Variants in CKAP5 observed in about 807,000 individuals in gnomAD.
CKAP5 encodes cytoskeleton-associated protein 5.
CKAP5 carries 27 observed loss-of-function variants against 232.8 expected under a neutral mutation model. That is an observed-to-expected ratio of 0.12 (90% CI 0.09 to 0.16). CKAP5 has a LOEUF of 0.16. Ranked by LOEUF, CKAP5 falls within the 10% of genes least tolerant of loss-of-function variation. CKAP5 has a pLI of 1.00. For missense variants in CKAP5, 1,838 were observed against 2,424.7 expected (o/e 0.76, Z 5.08); for synonymous variants, 785 against 841.1 (o/e 0.93, Z 1.16).
At position 46,767,671 on chromosome 11, in the gene CKAP5, GA is replaced by G. The variant is rs761525556; in HGVS notation, c.3323-9del. ...TACAATCTTCAGCAGGTGCTTTGAG[GA>G]AAAAAATATATATATACTATAAACT... On this transcript the variant is annotated splice_polypyrimidine_tract_variant and intron_variant, in intron 26 of 43. Transcript: ENST00000529230. 2.2e-5 allele frequency: 35 copies of G among 1,573,390 alleles called. No homozygotes were observed. Among genetic ancestry groups the G allele is most frequent in the African/African-American group, 5.4e-5 (4 of 73,494 alleles).
chr11:46,821,581 C>T (rs1024682046), intron 1 of CKAP5, among the ~76,000 whole-genome samples: 1 of 152,068 alleles, frequency 6.6e-6, no homozygotes, highest in Admixed American at 6.5e-5. Context: ...CCCGCCACCA[C>T]GCCCGGCTAA....
rs373679270 is a variant in CKAP5 at position 46,765,092 on chromosome 11, C to A, written c.3537+39G>T. 4.4e-6 allele frequency: 7 copies of A among 1,584,468 alleles called. No individual in the cohort carries two copies. The African/African-American group carries it at 8.1e-5, about 18-fold the overall frequency. On this transcript the variant is annotated intron_variant, in intron 28 of 43. Coordinates refer to ENST00000529230, the MANE Select transcript of CKAP5 (RefSeq NM_001008938.4). ...GCAAAACTATTCTTGAATAACAATA[C>A]AAGCAAAAATCTCCTGACGATTCTT... is the stretch of plus-strand genomic sequence containing the variant.
intron 1 of CKAP5, among the ~76,000 whole-genome samples, chr11:46,827,058 C>T (rs1939675950): frequency 6.6e-6 from 1 of 152,162 alleles, no homozygotes; most frequent in Admixed American, 6.5e-5. Context: ...AATGATGGAC[C>T]AACTAGGAAG....
chr11:46,843,138 C>T (rs1464124754), intron 1 of CKAP5, among the ~76,000 whole-genome samples: 2 of 151,398 alleles, frequency 1.3e-5, no homozygotes, highest in Non-Finnish European at 2.9e-5. Flanking sequence ...TTAAGGGGTT[C>T]CAAACAAGTT....
intron 8 of CKAP5, among the ~76,000 whole-genome samples, chr11:46,802,563 C>CACACAT (rs1565743469): frequency 4.0e-5 from 6 of 148,928 alleles, no homozygotes; most frequent in Middle Eastern, 3.4e-3. Context: ...GACAGACACA[C>CACACAT]ACACACACAC....
chr11:46,784,184 C>T (rs1377733601), intron 17 of CKAP5, among the ~76,000 whole-genome samples: 1 of 151,808 alleles, frequency 6.6e-6, no homozygotes. Context: ...GCCTGGCCAA[C>T]GTGGCGAAAT....
rs185160005 is a variant in CKAP5 at position 46,785,206 on chromosome 11, G to A, written c.1969-533C>T. Among the ~76,000 whole-genome samples the A allele has an allele frequency of 2.8e-3, 421 of 152,258 alleles. 2 individuals are homozygous for A. The highest frequency in any genetic ancestry group is 9.6e-3 in the African/African-American group (399 of 41,542). On this transcript the variant is annotated intron_variant, in intron 16 of 43. Coordinates refer to ENST00000529230, the MANE Select transcript of CKAP5 (RefSeq NM_001008938.4). ...GATATTATTGTGATGGCAGACCTAT[G>A]GGATTAAGGACCCCTTTGCTCATAA...
chr11:46,797,889 A>G lies in CKAP5; in HGVS notation c.1254T>C (p.Leu418=). ...AGTGGCGGAAACTTCTTGCAATAAA[A>G]AGAGATGTCTGCTGCTTGATGGTTG... ...KNPTIKQQTS[L]FIARSFRHCT... Residue 418 remains leucine (L), a synonymous_variant, in exon 11 of 44, where the codon CTT becomes CTC. Transcript: ENST00000529230. The G allele has an allele frequency of 6.2e-7, 1 of 1,614,132 alleles. No individual in the cohort carries two copies.
At position 46,780,275 on chromosome 11, in the gene CKAP5, C is replaced by T. The variant is rs1413929986; in HGVS notation, c.2352G>A (p.Leu784=). 1 of 1,614,084 alleles carries T rather than the reference C, an allele frequency of 6.2e-7. No homozygotes were observed. Among genetic ancestry groups the T allele is most frequent in the Non-Finnish European group, 8.5e-7 (1 of 1,179,954 alleles). ...ACATTCGCAAAGAGGGACCAACATA[C>T]AGATACATCACGCCAAGCAGGGTTA... ...AAITLLGVMY[L]YVGPSLRMFF... The change falls in exon 20 of 44, where the codon CTG becomes CTA. Residue 784 remains leucine (L), a synonymous_variant. Transcript: ENST00000529230.
At chr11:46,795,281 T>C (rs574770378) in intron 13 of CKAP5, among the ~76,000 whole-genome samples, 3 of 151,838 alleles carry the variant, frequency 2.0e-5, no homozygotes, top group Admixed American at 6.6e-5. Context: ...TGAGCCAAGA[T>C]TGCATCACTG....
chr11:46,758,173 T>G (rs2065125189), intron 35 of CKAP5, among the ~76,000 whole-genome samples: 2 of 152,184 alleles, frequency 1.3e-5, no homozygotes, highest in South Asian at 4.1e-4. Flanking sequence ...CTCTCAAATC[T>G]CATTCTGTAT....
chr11:46,748,556 C>T (rs749423821), intron 42 of CKAP5, among the ~76,000 whole-genome samples: 2 of 151,972 alleles, frequency 1.3e-5, no homozygotes, highest in Non-Finnish European at 2.9e-5. Context: ...GGGCGGATCA[C>T]GAGGTCAGGA....
intron 26 of CKAP5, among the ~76,000 whole-genome samples, chr11:46,769,288 T>C (rs1393579506): frequency 1.3e-5 from 2 of 152,192 alleles, no homozygotes; most frequent in Non-Finnish European, 2.9e-5. Flanking sequence ...ATAAAGTGGA[T>C]TAAGCTAGAT....
rs2065007637 is a variant in CKAP5 at position 46,744,419 on chromosome 11, G to A, written c.5856+7C>T. On this transcript the variant is annotated splice_region_variant and intron_variant, in intron 43 of 43. Transcript: ENST00000529230. The stretch of plus-strand genomic sequence containing the variant: ...CCCTGAACTGCACAGAAGAAAAGGA[G>A]CAGTACCTTTGTGTTGTCCAGACCA... 6.2e-7 allele frequency: 1 copy of A among 1,614,132 alleles called. No homozygotes were observed.
At chr11:46,769,316 T>C (rs2065228967) in intron 26 of CKAP5, among the ~76,000 whole-genome samples, 3 of 152,190 alleles carry the variant, frequency 2.0e-5, no homozygotes, top group Admixed American at 6.5e-5. Flanking sequence ...ATTCCTCTTC[T>C]AATTATAGTA....
Position 46,786,165 on chromosome 11 carries a change from AAATT to A in CKAP5, c.1969-1496_1969-1493del, listed in dbSNP as rs2065390856. Among the ~76,000 whole-genome samples the A allele has an allele frequency of 2.0e-5, 3 of 152,352 alleles. No individual in the cohort carries two copies. In the South Asian group the frequency reaches 6.2e-4, roughly 32 times the overall value. On this transcript the variant is annotated intron_variant, in intron 16 of 43. Transcript: ENST00000529230. ...AAATCAACTTATCTCACAACTCTGAAAATTAAATAAGGCTTGTAACATACAAGAA... is the reference window on the plus strand; with the variant it reads ...AAATCAACTTATCTCACAACTCTGAAAAATAAGGCTTGTAACATACAAGAA...
intron 7 of CKAP5, 55 bp downstream of exon 7, chr11:46,809,345 T>C (rs1233365696): frequency 3.4e-6 from 4 of 1,176,734 alleles, no homozygotes; most frequent in Non-Finnish European, 5.0e-6. Flanking sequence ...ATTCTAATTC[T>C]ATTCAAGTAA....
intron 1 of CKAP5, among the ~76,000 whole-genome samples, chr11:46,825,556 A>G (rs1414678437): frequency 6.6e-6 from 1 of 152,164 alleles, no homozygotes; most frequent in South Asian, 2.1e-4. Context: ...CAAATTCCCA[A>G]GCTCTTGACC....
At chr11:46,773,080 T>G (rs896754588) in intron 24 of CKAP5, among the ~76,000 whole-genome samples, 1 of 152,082 alleles carries the variant, frequency 6.6e-6, no homozygotes, top group African/African-American at 2.4e-5. Flanking sequence ...GAGGTTGTTA[T>G]GCAGATGCTT....
Sources: allele counts gnomAD v4.1 joint callset (sites outside exome capture counted in the v4.1 genomes callset), GRCh38; gene constraint gnomAD v4.1.1; transcripts MANE v1.5; gene names NCBI Gene and HGNC (gene_info 2026-07-23, HGNC 2026-07-21).